Variants in IZUMO3 observed in about 807,000 individuals in gnomAD.
The protein encoded by IZUMO3 is izumo sperm-egg fusion protein 3.
In IZUMO3, 36 loss-of-function variants were observed where a neutral mutation model predicts 28.4. The observed-to-expected ratio is 1.27, with a 90% CI of 0.97 to 1.67. The LOEUF is 1.67. IZUMO3 is among the 40% of genes most tolerant of loss of function. The pLI is 0.00. For missense variants in IZUMO3, 387 were observed against 278.5 expected (o/e 1.39, Z -2.77); for synonymous variants, 126 against 99.2 (o/e 1.27, Z -1.61).
In IZUMO3 at chr9:24,544,970, AC is replaced by A; in HGVS notation, c.391+1del. The A allele has an allele frequency of 6.5e-7, 1 of 1,544,420 alleles. No homozygotes were observed. The highest frequency in any genetic ancestry group is 8.8e-7 in the Non-Finnish European group (1 of 1,141,322). On this transcript the variant is annotated splice_donor_variant, in intron 3 of 6. Coordinates refer to ENST00000543880, the MANE Select transcript of IZUMO3 (RefSeq NM_001365008.2). LOFTEE classifies it high-confidence loss of function. ...TGCTGTTATATAGAAAGTTTTACTT[AC>A]CAATTTCAGAGAAGTTCTTTAGTAA...
chr9:24,543,438 GTTTTTTTTTTTTTTTTTT>G (rs33972842), intron 6 of IZUMO3, 71 bp from the exon 7 acceptor site: 134 of 37,762 alleles, frequency 3.5e-3, no homozygotes, highest in Middle Eastern at 0.015. Context: ...GTTATACATT[GTTTTTTTTTTTTTTTTTT>G]TTTTTTTTTT....
At chr9:24,544,788 A>G in intron 3 of IZUMO3, 28 bp from the exon 4 acceptor site, 1 of 1,548,812 alleles carries the variant, frequency 6.5e-7, no homozygotes, top group East Asian at 2.4e-5. Context: ...AGTTCTAATG[A>G]GTTTAAAACC....
At chr9:24,544,459 C>G (rs540068944) in intron 4 of IZUMO3, among the ~76,000 whole-genome samples, 178 bp from the exon 5 acceptor site, 54 of 152,210 alleles carry the variant, frequency 3.5e-4, no homozygotes, top group African/African-American at 1.2e-3. Context: ...ATCTGTAAGT[C>G]TGATCTCCAG....
chr9:24,543,003 A>C lies in IZUMO3; in HGVS notation c.*226T>G, dbSNP rs1021732048. ...CATATTATCTTTCCTGTGCATTGCA[A>C]CATACCAGCATTACTTTCTGTACAA... On this transcript the variant is annotated 3_prime_UTR_variant, in exon 7 of 7. Transcript: ENST00000543880. 8 of 383,780 alleles carry C rather than the reference A, an allele frequency of 2.1e-5. No individual in the cohort carries two copies. In the South Asian group the frequency reaches 6.3e-4, roughly 30 times the overall value. 23.8% of individuals were successfully genotyped at this position (383,780 alleles called of 1,614,324 possible).
chr9:24,544,124 C>T, intron 5 of IZUMO3, 77 bp downstream of exon 5: 1 of 981,478 alleles, frequency 1.0e-6, no homozygotes. Flanking sequence ...CCAACAAATA[C>T]ATGTAGAATA....
Position 24,545,728 on chromosome 9 carries a change from G to A in IZUMO3, c.-79C>T, listed in dbSNP as rs1452295829. 6 of 1,533,176 alleles carry A rather than the reference G, an allele frequency of 3.9e-6. No individual in the cohort carries two copies. The highest frequency in any genetic ancestry group is 3.6e-5 in the South Asian group (3 of 82,880). The allele number at this position is 1,533,176 out of a possible 1,614,324, so 95.0% of individuals were successfully genotyped here. ...TTAGTTCCTTTTCCTTCAAAAATCC[G>A]GGAATGAGAGCCTGGTTCTGGATAG... On this transcript the variant is annotated 5_prime_UTR_variant, in exon 1 of 7. Transcript: ENST00000543880.
chr9:24,545,107 C>T, intron 2 of IZUMO3, 46 bp from the exon 3 acceptor site: 1 of 1,475,384 alleles, frequency 6.8e-7, no homozygotes. Context: ...GTAGCTCTTC[C>T]CTTCAGAAGT....
At chr9:24,544,888 A>C in intron 3 of IZUMO3, 84 bp downstream of exon 3, 1 of 1,323,520 alleles carries the variant, frequency 7.6e-7, no homozygotes, top group Admixed American at 2.0e-5. Context: ...TAACTCTATT[A>C]TGAACTTGCA....
Position 24,545,428 on chromosome 9 carries a change from C to T in IZUMO3, c.222G>A (p.Val74=). 1.3e-6 allele frequency: 2 copies of T among 1,540,146 alleles called. No homozygotes were observed. The highest frequency in any genetic ancestry group is 1.7e-6 in the Non-Finnish European group (2 of 1,146,816). The change falls in exon 1 of 7, where the codon GTG becomes GTA. Residue 74 remains valine (V), a synonymous_variant. Transcript: ENST00000543880. ...AGGAACTCAAGCTTCCCTCACCCAA[C>T]ACCCGAAGCCTCTTGTCACTGTGGG... ...KVSHSDKRLR[V]LAVQQVVKLR... is the part of the protein sequence containing the mutation.
In IZUMO3 at chr9:24,543,177, A is replaced by T; in HGVS notation, c.*52T>A. Reference sequence around the variant, plus strand: ...GGGTTTACCTCCCAGTTTTGTACTTAGAGTCAACACTTAAGAGAATCATGA... The same window carrying T: ...GGGTTTACCTCCCAGTTTTGTACTTTGAGTCAACACTTAAGAGAATCATGA... On this transcript the variant is annotated 3_prime_UTR_variant, in exon 7 of 7. Coordinates refer to ENST00000543880, the MANE Select transcript of IZUMO3 (RefSeq NM_001365008.2). The T allele has an allele frequency of 7.0e-7, 1 of 1,428,452 alleles. No homozygotes were observed. The highest frequency in any genetic ancestry group is 9.3e-7 in the Non-Finnish European group (1 of 1,072,748). The allele number at this position is 1,428,452 out of a possible 1,614,324, so 88.5% of individuals were successfully genotyped here. A position where few individuals can be genotyped will look rare whatever the true frequency, so the allele number is the denominator to read the frequency against.
rs566046576 is a variant in IZUMO3, at chr9:24,544,215, C to T, written c.476G>A (p.Gly159Glu). 6.5e-7 allele frequency: 1 copy of T among 1,549,306 alleles called. No homozygotes were observed. Among genetic ancestry groups the T allele is most frequent in the African/African-American group, 1.4e-5 (1 of 73,108 alleles). The part of the protein sequence containing the change: ...CLRMTNRCFK[G>E]EYCGDEDPRK... Reference sequence around the variant, plus strand: ...ATCTTTGTTACCTCCACAATATTCTCCTTTGAAGCACCTGTTAGTCATGCG... The same window carrying T: ...ATCTTTGTTACCTCCACAATATTCTTCTTTGAAGCACCTGTTAGTCATGCG... The change falls in exon 5 of 7, where the codon GGA becomes GAA. Residue 159 changes from glycine to glutamate, a missense_variant. Gly to Glu is a moderately conservative substitution (Grantham distance 98, BLOSUM62 -2). Coordinates refer to ENST00000543880, the MANE Select transcript of IZUMO3 (RefSeq NM_001365008.2).
At position 24,544,040 on chromosome 9, in the gene IZUMO3, G is replaced by C. The variant is rs1017409310; in HGVS notation, c.490+161C>G. The stretch of plus-strand genomic sequence containing the variant: ...ATTCAGTGCCAAATTATTTATACTG[G>C]TCAAAATTTCACCCAACACCCTAGC... On this transcript the variant is annotated intron_variant, in intron 5 of 6. Transcript: ENST00000543880. Among the ~76,000 whole-genome samples the C allele has an allele frequency of 2.6e-5, 4 of 152,050 alleles. No homozygotes were observed. The East Asian group carries it at 5.8e-4, about 22-fold the overall frequency.
In IZUMO3 at chr9:24,543,647, G is replaced by A. The variant is rs912468484; in HGVS notation, c.581+17C>T. 1.3e-6 allele frequency: 2 copies of A among 1,500,026 alleles called. No homozygotes were observed. The highest frequency in any genetic ancestry group is 2.8e-5 in the African/African-American group (2 of 71,830). 92.9% of individuals were successfully genotyped at this position (1,500,026 alleles called of 1,614,324 possible). ...GGAATATTTGACCCAGTGTTTATTTGGAGAGAAGAAACTCACAGTAACACA... is the reference window on the plus strand; with the variant it reads ...GGAATATTTGACCCAGTGTTTATTTAGAGAGAAGAAACTCACAGTAACACA... On this transcript the variant is annotated intron_variant, in intron 6 of 6. Coordinates refer to ENST00000543880, the MANE Select transcript of IZUMO3 (RefSeq NM_001365008.2).
Position 24,545,563 on chromosome 9 carries a change from T to C in IZUMO3, c.87A>G (p.Ile29Met), listed in dbSNP as rs1187772984. Residue 29 changes from isoleucine to methionine, a missense_variant, in exon 1 of 7, where the codon ATA becomes ATG. Physicochemically the swap from Ile to Met is conservative, Grantham distance 10. Transcript: ENST00000543880. ...TTCCCAGCAAGGAGCCAACATCCTC[T>C]ATAAATTTGGGGTCACATTCTAAAC... ...KGCLECDPKFIEDVGSLLGNL... is the reference protein window; with the variant it reads ...KGCLECDPKFMEDVGSLLGNL... The C allele has an allele frequency of 3.5e-5, 53 of 1,535,408 alleles. No individual in the cohort carries two copies. The highest frequency in any genetic ancestry group is 4.5e-5 in the Non-Finnish European group (52 of 1,146,708).
At position 24,545,079 on chromosome 9, in the gene IZUMO3, G is replaced by T. The variant is rs772046211; in HGVS notation, c.302-18C>A. 14 of 1,519,802 alleles carry T rather than the reference G, an allele frequency of 9.2e-6. No individual in the cohort carries two copies. In the South Asian group the frequency reaches 1.4e-4, roughly 16 times the overall value. The allele number at this position is 1,519,802 out of a possible 1,614,324, so 94.1% of individuals were successfully genotyped here. A position where few individuals can be genotyped will look rare whatever the true frequency, so the allele number is the denominator to read the frequency against. On this transcript the variant is annotated intron_variant, in intron 2 of 6. Coordinates refer to ENST00000543880, the MANE Select transcript of IZUMO3 (RefSeq NM_001365008.2). ...AAAGACACCTAAGAGGGAGTGGAAG[G>T]GGTGTCAAAAAATAGAAGTAGCTCT... is the stretch of plus-strand genomic sequence containing the variant.
Position 24,545,889 on chromosome 9 carries a change from C to T in IZUMO3, c.-240G>A. ...GAACTGCCAGCTGGGGAGCGGATAC[C>T]TGAGTTCTGAGTGTAGAACACCAAG... is the stretch of plus-strand genomic sequence containing the variant. On this transcript the variant is annotated 5_prime_UTR_variant, in exon 1 of 7. Coordinates refer to ENST00000543880, the MANE Select transcript of IZUMO3 (RefSeq NM_001365008.2). The T allele has an allele frequency of 6.7e-7, 1 of 1,486,458 alleles. No individual in the cohort carries two copies. Among genetic ancestry groups the T allele is most frequent in the South Asian group, 1.2e-5 (1 of 82,622 alleles). The allele number at this position is 1,486,458 out of a possible 1,614,324, so 92.1% of individuals were successfully genotyped here.
intron 6 of IZUMO3, 98 bp downstream of exon 6, chr9:24,543,566 C>T: frequency 1.1e-6 from 1 of 917,076 alleles, no homozygotes; most frequent in Admixed American, 2.8e-5. Flanking sequence ...AAAATGACTT[C>T]TTTTGCTTTA....
rs116967756 is a variant in IZUMO3 at position 24,544,852 on chromosome 9, C to G, written c.392-92G>C. 11,511 of 1,366,138 alleles carry G rather than the reference C, an allele frequency of 8.4e-3. 77 individuals carry two copies. Among genetic ancestry groups the G allele is most frequent in the South Asian group, 0.018 (1,465 of 79,924 alleles). 84.6% of individuals were successfully genotyped at this position (1,366,138 alleles called of 1,614,324 possible). The stretch of plus-strand genomic sequence containing the variant: ...GTAGTCTTTGTTTACCCTTTAAGTT[C>G]CAGTTACCTCTCCACCCATTCTAAA... On this transcript the variant is annotated intron_variant, in intron 3 of 6. Transcript: ENST00000543880.
intron 5 of IZUMO3, 93 bp downstream of exon 5, chr9:24,544,108 A>G (rs983429251): frequency 2.3e-6 from 2 of 867,598 alleles, no homozygotes; most frequent in Admixed American, 2.0e-5. Flanking sequence ...AAGGTCATGT[A>G]GTGACCCAAC....
Sources: gnomAD v4.1 joint callset for allele counts (sites outside exome capture counted in the v4.1 genomes callset) on GRCh38, gnomAD v4.1.1 for gene constraint, MANE v1.5 for transcripts, NCBI Gene and HGNC (gene_info 2026-07-23, HGNC 2026-07-21) for gene names.